Variants in EVI5 observed in about 807,000 individuals in gnomAD.
The protein encoded by EVI5 is ecotropic viral integration site 5 protein homolog.
Under a neutral mutation model 112.0 loss-of-function variants are expected in EVI5, and 73 were observed. The observed-to-expected ratio is 0.65, with a 90% CI of 0.54 to 0.79. The LOEUF is 0.79. Ranked by LOEUF, EVI5 falls within the 30% of genes least tolerant of loss-of-function variation. The pLI, the probability that EVI5 is intolerant of heterozygous loss-of-function variation, is 0.00. For synonymous variants in EVI5, 305 were observed against 319.9 expected (o/e 0.95, Z 0.50); for missense variants, 900 against 968.8 (o/e 0.93, Z 0.94).
chr1:92,744,296 A>G (rs1678909894), intron 1 of EVI5, among the ~76,000 whole-genome samples: 1 of 152,172 alleles, frequency 6.6e-6, no homozygotes, highest in Admixed American at 6.5e-5. Context: ...TTGTTGGATG[A>G]AGCAGTCTAT....
chr1:92,705,613 A>C (rs1289676239), intron 2 of EVI5, among the ~76,000 whole-genome samples: 1 of 152,186 alleles, frequency 6.6e-6, no homozygotes, highest in Admixed American at 6.6e-5. Flanking sequence ...ACCCTGTGTT[A>C]GGCCTCCTCC....
intron 18 of EVI5, among the ~76,000 whole-genome samples, chr1:92,602,386 T>A (rs1195350442): frequency 1.3e-5 from 2 of 151,912 alleles, no homozygotes; most frequent in Non-Finnish European, 2.9e-5. Flanking sequence ...ACAAAACACA[T>A]TTATTTTTAT....
Position 92,785,007 on chromosome 1 carries a change from C to T in EVI5, c.-253G>A. The T allele has an allele frequency of 1.0e-6, 1 of 985,516 alleles. No individual in the cohort carries two copies. Among genetic ancestry groups the T allele is most frequent in the Non-Finnish European group, 1.2e-6 (1 of 830,036 alleles). 61.0% of individuals were successfully genotyped at this position (985,516 alleles called of 1,614,324 possible). ...GCTCAGGGCCGCCTCGCGACCCTCA[C>T]CTACCCCTCCCGGCACCGCCGCTGT... On this transcript the variant is annotated 5_prime_UTR_variant, in exon 1 of 20. The change creates a new upstream start codon in the 5' untranslated region. Transcript: ENST00000684568.
intron 11 of EVI5, among the ~76,000 whole-genome samples, chr1:92,664,435 A>G (rs1664529337): frequency 6.6e-6 from 1 of 151,796 alleles, no homozygotes; most frequent in African/African-American, 2.4e-5. Flanking sequence ...CCGAAGGTTC[A>G]ATGAAATATT....
At chr1:92,735,411 G>A (rs1677155543) in intron 2 of EVI5, among the ~76,000 whole-genome samples, 1 of 151,748 alleles carries the variant, frequency 6.6e-6, no homozygotes, top group Admixed American at 6.6e-5. Context: ...TGATTTTGGC[G>A]ACAATTTCAC....
chr1:92,791,150 A>G lies in EVI5; in HGVS notation c.51+1194T>C, dbSNP rs112785358. Among the ~76,000 whole-genome samples the G allele has an allele frequency of 6.6e-5, 10 of 152,346 alleles. 1 individual carries two copies. The highest frequency in any genetic ancestry group is 2.4e-4 in the African/African-American group (10 of 41,582). On this transcript the variant is annotated intron_variant, in intron 1 of 17. Transcript: ENST00000370331. ...GTGCCAGTTTCTAGCCTACCCACCA[A>G]AAGGAGAAATTCATTCATTTCTTGA...
At chr1:92,763,941 C>A (rs1682249571) in intron 1 of EVI5, among the ~76,000 whole-genome samples, 1 of 152,142 alleles carries the variant, frequency 6.6e-6, no homozygotes, top group South Asian at 2.1e-4. Flanking sequence ...ATCATAATTA[C>A]ATGCCTGTAT....
intron 19 of EVI5, among the ~76,000 whole-genome samples, chr1:92,516,817 G>A (rs781126970): frequency 6.6e-6 from 1 of 151,494 alleles, no homozygotes; most frequent in Non-Finnish European, 1.5e-5. Context: ...ACTTTCAGGG[G>A]CAAACTATAT....
At chr1:92,777,658 G>T (rs185187458) in intron 1 of EVI5, among the ~76,000 whole-genome samples, 2 of 152,274 alleles carry the variant, frequency 1.3e-5, no homozygotes, top group East Asian at 3.9e-4. Context: ...GAGGACAGGT[G>T]GCAACAAGTT....
intron 19 of EVI5, among the ~76,000 whole-genome samples, chr1:92,555,559 A>T (rs571205476): frequency 5.3e-5 from 8 of 152,192 alleles, no homozygotes; most frequent in South Asian, 2.1e-4. Context: ...TAGAAATAAG[A>T]ATAAGCATGG....
chr1:92,535,311 G>C (rs916717925), intron 19 of EVI5, among the ~76,000 whole-genome samples: 1 of 152,198 alleles, frequency 6.6e-6, no homozygotes, highest in Non-Finnish European at 1.5e-5. Flanking sequence ...CTGTTGGTGG[G>C]AGTGTAAATT....
At chr1:92,565,158 G>A (rs1669239228) in intron 18 of EVI5, among the ~76,000 whole-genome samples, 1 of 152,258 alleles carries the variant, frequency 6.6e-6, no homozygotes, top group South Asian at 2.1e-4. Flanking sequence ...TTTAACAGTT[G>A]CCAATCACCC....
chr1:92,628,181 GT>G (rs1425995765), intron 14 of EVI5, among the ~76,000 whole-genome samples: 1 of 152,130 alleles, frequency 6.6e-6, no homozygotes, highest in Non-Finnish European at 1.5e-5. Flanking sequence ...TGATGAGATT[GT>G]TTTCGTCTTA....
At chr1:92,667,290 A>T (rs75150309) in intron 10 of EVI5, among the ~76,000 whole-genome samples, 22 of 147,318 alleles carry the variant, frequency 1.5e-4, no homozygotes, top group African/African-American at 4.0e-4. Context: ...TCTCAAATTT[A>T]AAAAAAAAAA....
chr1:92,720,474 T>A (rs1242540389), intron 2 of EVI5, among the ~76,000 whole-genome samples: 3 of 150,804 alleles, frequency 2.0e-5, no homozygotes, highest in Non-Finnish European at 4.4e-5. Flanking sequence ...GCTAGCCATA[T>A]GTAGAAAGCT....
chr1:92,679,357 C>T (rs528063957), intron 9 of EVI5, among the ~76,000 whole-genome samples: 3 of 152,070 alleles, frequency 2.0e-5, no homozygotes, highest in Non-Finnish European at 2.9e-5. Context: ...TTAAAGACTC[C>T]AAAGAGCTGC....
At chr1:92,529,779 T>C (rs567160590) in intron 19 of EVI5, among the ~76,000 whole-genome samples, 8 of 152,326 alleles carry the variant, frequency 5.3e-5, no homozygotes, top group Non-Finnish European at 1.2e-4. Context: ...TTTTCTAGTA[T>C]TATGCTGATA....
At position 92,551,308 on chromosome 1, in the gene EVI5, G is replaced by A. The variant is rs534066411; in HGVS notation, c.2166+12334C>T. On this transcript the variant is annotated intron_variant, in intron 19 of 19. Coordinates refer to ENST00000684568, the MANE Select transcript of EVI5 (RefSeq NM_001350197.2). ...TTCCCTAAGTGCTGGGATTACAGGC[G>A]TGAGCCACTGTGCTCGGCAACTGCA... 1.4e-4 allele frequency among the ~76,000 whole-genome samples: 22 copies of A among 151,872 alleles called. No homozygotes were observed. In the East Asian group the frequency reaches 4.1e-3, roughly 28 times the overall value.
intron 19 of EVI5, among the ~76,000 whole-genome samples, chr1:92,561,629 C>G (rs1668625740): frequency 6.9e-6 from 1 of 145,442 alleles, no homozygotes; most frequent in Admixed American, 7.1e-5. Flanking sequence ...ATCTATCTAT[C>G]TATCTATCTA....
Sources: gnomAD v4.1 joint callset for allele counts (sites outside exome capture counted in the v4.1 genomes callset) on GRCh38, gnomAD v4.1.1 for gene constraint, MANE v1.5 for transcripts, NCBI Gene and HGNC (gene_info 2026-07-23, HGNC 2026-07-21) for gene names.